Variants in KPNA7 observed in about 807,000 individuals in gnomAD.
KPNA7 encodes karyopherin subunit alpha 7.
KPNA7 carries 54 observed loss-of-function variants against 53.7 expected under a neutral mutation model. The ratio of observed to expected loss-of-function variants is 1.01; its 90% CI spans 0.81 to 1.26. The LOEUF is 1.26. Ranked by LOEUF, KPNA7 falls within the 50% of genes most tolerant of loss-of-function variation. KPNA7 has a pLI of 0.00. For synonymous variants in KPNA7, 276 were observed against 259.3 expected (o/e 1.06, Z -0.62); for missense variants, 640 against 644.5 (o/e 0.99, Z 0.07).
At position 99,195,106 on chromosome 7, in the gene KPNA7, A is replaced by G; in HGVS notation, c.517T>C (p.Cys173Arg). 3 of 1,551,610 alleles carry G rather than the reference A, an allele frequency of 1.9e-6. No individual in the cohort carries two copies. In the Middle Eastern group the frequency reaches 5.0e-4, roughly 259 times the overall value. Residue 173 changes from cysteine to arginine, a missense_variant, in exon 5 of 11, where the codon TGT becomes CGT. Coordinates refer to ENST00000327442, the MANE Select transcript of KPNA7 (RefSeq NM_001145715.3). ...CCAAGAGCCCACACTGCCTGTTCAC[A>G]CACAGCCACGTTGGAGGAAGACAGG... ...ELLSSSNVAV[C>R]EQAVWALGNI...
chr7:99,167,746 G>A, the KPNA7 span, among the ~76,000 whole-genome samples: 2 of 145,788 alleles, frequency 1.4e-5, no homozygotes, highest in Middle Eastern at 3.4e-3. Flanking sequence ...CTCCCAAAGT[G>A]CTAGGATTAC....
chr7:99,195,479 G>T (rs1046060011), intron 4 of KPNA7, 141 bp from the exon 5 acceptor site: 1 of 719,084 alleles, frequency 1.4e-6, no homozygotes. Context: ...ACTTGAGGTC[G>T]CAAGGTCAGG....
intron 2 of KPNA7, among the ~76,000 whole-genome samples, chr7:99,207,062 T>G (rs1790851754): frequency 6.6e-6 from 1 of 151,962 alleles, no homozygotes; most frequent in Admixed American, 6.6e-5. Context: ...GAGATGGAGT[T>G]TCTCTCTTGT....
chr7:99,173,475 G>A (rs549557258), downstream of KPNA7: 176 of 361,682 alleles, frequency 4.9e-4, no homozygotes, highest in Non-Finnish European at 5.3e-4. Flanking sequence ...TTACAGGTGT[G>A]AGCCACCACA....
chr7:99,213,430 T>TA (rs61231738), intron 1 of KPNA7, among the ~76,000 whole-genome samples: 2,043 of 72,872 alleles, frequency 0.028, 39 homozygotes, highest in Non-Finnish European at 0.035. Flanking sequence ...CCTGGCCTTT[T>TA]AAAAAAAAAA....
chr7:99,201,939 C>T (rs1406988870), intron 3 of KPNA7, among the ~76,000 whole-genome samples: 1 of 151,992 alleles, frequency 6.6e-6, no homozygotes, highest in Non-Finnish European at 1.5e-5. Flanking sequence ...AACTCCTGAC[C>T]TCAGGTGATC....
At chr7:99,184,893 T>C (rs1465875608) in intron 8 of KPNA7, 36 bp downstream of exon 8, 10 of 1,515,672 alleles carry the variant, frequency 6.6e-6, no homozygotes, top group Non-Finnish European at 8.1e-6. Context: ...TATTGGAAAG[T>C]AGTCCTTTGC....
chr7:99,195,841 A>C (rs1411189815), intron 4 of KPNA7, among the ~76,000 whole-genome samples: 1 of 152,214 alleles, frequency 6.6e-6, no homozygotes, highest in Non-Finnish European at 1.5e-5. Flanking sequence ...CTACAAGATG[A>C]AATTTCTGTA....
At chr7:99,167,530 G>GCAACCT in the KPNA7 span, among the ~76,000 whole-genome samples, 109 of 150,214 alleles carry the variant, frequency 7.3e-4, no homozygotes, top group African/African-American at 1.9e-3. Flanking sequence ...TTGGCTCACT[G>GCAACCT]CAACCTCCAC....
At chr7:99,178,553 A>G (rs915685869) in intron 9 of KPNA7, among the ~76,000 whole-genome samples, 1 of 152,012 alleles carries the variant, frequency 6.6e-6, no homozygotes, top group Non-Finnish European at 1.5e-5. Flanking sequence ...GGATGACAGC[A>G]TAAGACTCAG....
intron 2 of KPNA7, among the ~76,000 whole-genome samples, chr7:99,206,081 C>T (rs1341169199): frequency 2.0e-5 from 3 of 152,204 alleles, no homozygotes; most frequent in Non-Finnish European, 4.4e-5. Flanking sequence ...CCTTGGTAAG[C>T]CTCATTGACG....
intron 6 of KPNA7, among the ~76,000 whole-genome samples, chr7:99,190,705 G>A (rs998102283): frequency 1.6e-4 from 24 of 150,364 alleles, no homozygotes; most frequent in Non-Finnish European, 1.5e-5. Flanking sequence ...ACCCAGGCTG[G>A]AGTGCAGTGG....
chr7:99,197,890 G>A (rs1790310495), intron 3 of KPNA7, among the ~76,000 whole-genome samples: 4 of 151,752 alleles, frequency 2.6e-5, no homozygotes, highest in African/African-American at 9.7e-5. Context: ...AGGAGAAGAG[G>A]GAAAGAGGCA....
chr7:99,188,666 C>A (rs956958758), intron 6 of KPNA7, 103 bp from the exon 7 acceptor site: 1 of 1,196,260 alleles, frequency 8.4e-7, no homozygotes, highest in Non-Finnish European at 1.2e-6. Context: ...TCAGCATGAA[C>A]CAGAGCTTTT....
chr7:99,187,034 C>A (rs1789629810), intron 7 of KPNA7, among the ~76,000 whole-genome samples: 1 of 151,912 alleles, frequency 6.6e-6, no homozygotes, highest in African/African-American at 2.4e-5. Flanking sequence ...TGCCTGTAAC[C>A]CCAGCACTTT....
chr7:99,198,349 T>C (rs2150756969), intron 3 of KPNA7, among the ~76,000 whole-genome samples: 1 of 152,268 alleles, frequency 6.6e-6, no homozygotes, highest in South Asian at 2.1e-4. Context: ...TAATATCCCT[T>C]ATAACTACTG....
the KPNA7 span, among the ~76,000 whole-genome samples, chr7:99,146,388 A>G: frequency 2.6e-5 from 4 of 152,150 alleles, no homozygotes; most frequent in Admixed American, 2.6e-4. Flanking sequence ...ACATTCTGAT[A>G]AACCCATAAT....
the KPNA7 span, among the ~76,000 whole-genome samples, chr7:99,154,654 C>A: frequency 1.3e-5 from 2 of 151,890 alleles, no homozygotes; most frequent in Non-Finnish European, 2.9e-5. Flanking sequence ...TCCTGAGTAG[C>A]TGGGATTACA....
chr7:99,207,484 A>G lies in KPNA7; in HGVS notation c.-18T>C, dbSNP rs191024400. The G allele has an allele frequency of 6.5e-7, 1 of 1,541,404 alleles. No individual in the cohort carries two copies. The highest frequency in any genetic ancestry group is 2.0e-5 in the Admixed American group (1 of 50,934). ...GTCGGCATATTGACTGGAAGTAGTA[A>G]GTTACCTGCAGGTTGGACAGCAACA... is the stretch of plus-strand genomic sequence containing the variant. On this transcript the variant is annotated 5_prime_UTR_variant, in exon 2 of 11. Coordinates refer to ENST00000327442, the MANE Select transcript of KPNA7 (RefSeq NM_001145715.3).
Sources: allele counts gnomAD v4.1 joint callset (sites outside exome capture counted in the v4.1 genomes callset), GRCh38; gene constraint gnomAD v4.1.1; transcripts MANE v1.5; gene names NCBI Gene and HGNC (gene_info 2026-07-23, HGNC 2026-07-21).